SLC5A5: variants seen among roughly 807,000 people sequenced by gnomAD.
SLC5A5 encodes solute carrier family 5 member 5.
In SLC5A5, 56 loss-of-function variants were observed where a neutral mutation model predicts 68.6. That is an observed-to-expected ratio of 0.82 (90% CI 0.66 to 1.02). The LOEUF is 1.02. Among genes scored for constraint, SLC5A5 ranks in the 50% least tolerant of loss-of-function variants. SLC5A5 has a pLI of 0.00. For missense variants in SLC5A5, 807 were observed against 859.8 expected (o/e 0.94, Z 0.77); for synonymous variants, 398 against 373.0 (o/e 1.07, Z -0.77).
chr19:17,888,638 CATCATCATT>C (rs59355135), intron 13 of SLC5A5, among the ~76,000 whole-genome samples, 183 bp downstream of exon 13: 2,044 of 150,966 alleles, frequency 0.014, 55 homozygotes, highest in African/African-American at 0.047. Context: ...TCATCATCAT[CATCATCATT>C]TTTGAGATAG....
At chr19:17,876,862 C>G (rs1160790390) in intron 5 of SLC5A5, among the ~76,000 whole-genome samples, 1 of 151,102 alleles carries the variant, frequency 6.6e-6, no homozygotes, top group African/African-American at 2.4e-5. Context: ...CTCCGTCCCC[C>G]CCCTAAAAAA....
chr19:17,883,600 C>A, intron 10 of SLC5A5, 81 bp from the exon 11 acceptor site: 1 of 1,160,896 alleles, frequency 8.6e-7, no homozygotes, highest in South Asian at 1.2e-5. Context: ...TTCCTGAGGT[C>A]TCGCTTTCCC....
intron 1 of SLC5A5, 43 bp downstream of exon 1, chr19:17,872,719 G>A (rs1433002898): frequency 8.1e-7 from 1 of 1,240,488 alleles, no homozygotes; most frequent in Non-Finnish European, 1.2e-6. Flanking sequence ...CCCACTGGCA[G>A]TGCTGGGACC....
intron 4 of SLC5A5, among the ~76,000 whole-genome samples, chr19:17,875,735 A>C (rs1306452000): frequency 6.6e-6 from 1 of 150,846 alleles, no homozygotes; most frequent in Non-Finnish European, 1.5e-5. Flanking sequence ...CTGTGATCAC[A>C]CCACTGCACT....
chr19:17,874,409 C>A, intron 2 of SLC5A5, 85 bp from the exon 3 acceptor site: 1 of 1,372,266 alleles, frequency 7.3e-7, no homozygotes, highest in Non-Finnish European at 1.0e-6. Flanking sequence ...CGCCCATATT[C>A]TGGGACCACC....
chr19:17,893,625 A>G (rs1666277895), intron 14 of SLC5A5, 88 bp from the exon 15 acceptor site: 1 of 1,360,748 alleles, frequency 7.3e-7, no homozygotes, highest in Admixed American at 1.8e-5. Flanking sequence ...CCGCCAGGTC[A>G]TCAGTAGCCC....
At chr19:17,882,674 G>A (rs2094323487) in intron 10 of SLC5A5, among the ~76,000 whole-genome samples, 1 of 147,972 alleles carries the variant, frequency 6.8e-6, no homozygotes, top group South Asian at 2.1e-4. Flanking sequence ...CACCATGCCC[G>A]TCTAATATTT....
rs550806367 is a variant in SLC5A5 at position 17,883,746 on chromosome 19, C to G, written c.1308C>G (p.Phe436Leu). 2.5e-6 allele frequency: 4 copies of G among 1,612,990 alleles called. No individual in the cohort carries two copies. The African/African-American group carries it at 5.3e-5, about 22-fold the overall frequency. ...PLLGAFILGM[F>L]LPACNTPGVL... ...TGGGAGCCTTCATCTTGGGAATGTT[C>G]CTGCCGGCCTGCAACACACCGGTGA... The change falls in exon 11 of 15, where the codon TTC becomes TTG. Residue 436 changes from phenylalanine (F) to leucine (L), a missense_variant. By Grantham distance (22) the Phe-to-Leu change is conservative. Transcript: ENST00000222248.
chr19:17,883,217 C>G (rs1385508544), intron 10 of SLC5A5, among the ~76,000 whole-genome samples: 2 of 151,960 alleles, frequency 1.3e-5, no homozygotes, highest in Non-Finnish European at 2.9e-5. Flanking sequence ...CCTCAGCCTT[C>G]CAAGTCGCTG....
chr19:17,890,127 A>G (rs1450168177), intron 13 of SLC5A5, among the ~76,000 whole-genome samples: 7 of 151,810 alleles, frequency 4.6e-5, no homozygotes, highest in Admixed American at 2.6e-4. Context: ...CTGGAGTGCA[A>G]TGGTGCGATG....
rs1327144487 is a variant in SLC5A5, at chr19:17,888,190, C to G, written c.1527-141C>G. 16 of 1,022,172 alleles carry G rather than the reference C, an allele frequency of 1.6e-5. 1 individual carries two copies. In the East Asian group the frequency reaches 4.0e-4, roughly 26 times the overall value. The allele number at this position is 1,022,172 out of a possible 1,614,324, so 63.3% of individuals were successfully genotyped here. ...GAGGGAAGGAACATTGGCTACTGCA[C>G]AGATCTGGGCAGACAGTAATGGAGG... On this transcript the variant is annotated intron_variant, in intron 12 of 14. Coordinates refer to ENST00000222248, the MANE Select transcript of SLC5A5 (RefSeq NM_000453.3).
intron 13 of SLC5A5, among the ~76,000 whole-genome samples, chr19:17,890,028 G>A (rs1046741202): frequency 8.5e-5 from 13 of 152,084 alleles, no homozygotes; most frequent in African/African-American, 2.9e-4. Flanking sequence ...GAATGGAACC[G>A]TGTGCTGGAC....
chr19:17,886,465 G>A (rs866226372), intron 12 of SLC5A5, among the ~76,000 whole-genome samples: 2 of 151,902 alleles, frequency 1.3e-5, no homozygotes, highest in East Asian at 3.9e-4. Context: ...ATGCCACCAC[G>A]CCTGGCTAAT....
intron 14 of SLC5A5, among the ~76,000 whole-genome samples, chr19:17,893,085 T>A (rs2030257953): frequency 6.6e-6 from 1 of 151,148 alleles, no homozygotes. Flanking sequence ...GTGTGTTTTT[T>A]TTCTTTTTTG....
intron 7 of SLC5A5, 63 bp downstream of exon 7, chr19:17,878,156 T>C (rs2094312145): frequency 6.4e-7 from 1 of 1,561,842 alleles, no homozygotes. Flanking sequence ...GGGATTGAGG[T>C]CGAAGAGCAT....
At chr19:17,892,410 T>G (rs1217573662) in intron 14 of SLC5A5, among the ~76,000 whole-genome samples, 1 of 151,910 alleles carries the variant, frequency 6.6e-6, no homozygotes, top group Non-Finnish European at 1.5e-5. Context: ...CTTAGGCAGG[T>G]GCATCACCTG....
chr19:17,893,592 T>C, intron 14 of SLC5A5, 121 bp from the exon 15 acceptor site: 2 of 956,164 alleles, frequency 2.1e-6, no homozygotes, highest in Non-Finnish European at 1.6e-6. Context: ...GGGGATAGTA[T>C]GCAATTCTGT....
intron 4 of SLC5A5, 107 bp downstream of exon 4, chr19:17,874,838 C>G (rs772540730): frequency 1.9e-6 from 2 of 1,054,734 alleles, no homozygotes; most frequent in Non-Finnish European, 2.9e-6. Flanking sequence ...TCTGTCCCAG[C>G]TGGGACCCAG....
chr19:17,887,799 G>A (rs1214852802), intron 12 of SLC5A5, among the ~76,000 whole-genome samples: 1 of 151,366 alleles, frequency 6.6e-6, no homozygotes, highest in African/African-American at 2.4e-5. Context: ...GTAGAGACAG[G>A]GTTTCACCAT....
Sources: gnomAD v4.1 joint callset for allele counts (sites outside exome capture counted in the v4.1 genomes callset) on GRCh38, gnomAD v4.1.1 for gene constraint, MANE v1.5 for transcripts, NCBI Gene and HGNC (gene_info 2026-07-23, HGNC 2026-07-21) for gene names.